Variants in KHDC1 observed in about 807,000 individuals in gnomAD.
KHDC1 encodes KH homology domain-containing protein 1.
KHDC1 carries 21 observed loss-of-function variants against 24.7 expected under a neutral mutation model. That is an observed-to-expected ratio of 0.85 (90% CI 0.60 to 1.23). The LOEUF is 1.23. Ranked by LOEUF, KHDC1 falls within the 50% of genes most tolerant of loss-of-function variation. The pLI is 0.00. For missense variants in KHDC1, 274 were observed against 298.5 expected (o/e 0.92, Z 0.61); for synonymous variants, 98 against 111.7 (o/e 0.88, Z 0.77).
intron 1 of KHDC1, chr6:73,299,594 G>A (rs1301914039): frequency 2.0e-5 from 1 of 49,994 alleles, no homozygotes; most frequent in African/African-American, 8.9e-5. Flanking sequence ...CACTGGCCCT[G>A]TGTGGCCGGC....
At chr6:73,292,036 T>G in exon 2 of KHDC1, 1 of 1,614,076 alleles carries the variant, frequency 6.2e-7, no homozygotes. Context: ...TCCTTGAGTT[T>G]CTCTCTGTAA....
chr6:73,265,748 T>A (rs1259668397), intron 2 of KHDC1, among the ~76,000 whole-genome samples: 1 of 152,064 alleles, frequency 6.6e-6, no homozygotes, highest in Non-Finnish European at 1.5e-5. Context: ...AGAGTACACT[T>A]GGAAAATCAG....
At chr6:73,292,276 G>A (rs1767668742) in intron 1 of KHDC1, 2 of 1,260,952 alleles carry the variant, frequency 1.6e-6, no homozygotes, top group Non-Finnish European at 2.3e-6. Flanking sequence ...GGCAAATGCG[G>A]TCAACCAGGG....
intron 2 of KHDC1, among the ~76,000 whole-genome samples, chr6:73,284,393 T>C (rs1162070180): frequency 6.6e-6 from 1 of 152,200 alleles, no homozygotes. Flanking sequence ...GACTCCTGAC[T>C]CAGCCAGTCC....
rs149535935 is a variant in KHDC1 at position 73,287,087 on chromosome 6, T to C, written c.206+4911A>G. On this transcript the variant is annotated intron_variant, in intron 2 of 4. Coordinates refer to ENST00000370384, the Ensembl canonical transcript of KHDC1. The stretch of plus-strand genomic sequence containing the variant: ...GGAAAAGTGAGTATGCTATAGACTA[T>C]ATACGGCAAATAGTTGGAAAATCCA... 5.4e-3 allele frequency among the ~76,000 whole-genome samples: 819 copies of C among 152,206 alleles called. 7 individuals carry two copies. Among genetic ancestry groups the C allele is most frequent in the Middle Eastern group, 0.017 (5 of 294 alleles).
At chr6:73,250,942 G>A (rs1766768516) in intron 2 of KHDC1, among the ~76,000 whole-genome samples, 1 of 151,992 alleles carries the variant, frequency 6.6e-6, no homozygotes, top group African/African-American at 2.4e-5. Context: ...CGGGTTCAAG[G>A]AATTCTCCTG....
intron 1 of KHDC1, among the ~76,000 whole-genome samples, chr6:73,298,884 G>A (rs1310996996): frequency 6.6e-6 from 1 of 152,132 alleles, no homozygotes; most frequent in African/African-American, 2.4e-5. Flanking sequence ...ATTATATGGA[G>A]GAGCCACAGC....
intron 1 of KHDC1, among the ~76,000 whole-genome samples, chr6:73,295,776 GCAGAGGTTA>G (rs2150743028): frequency 6.6e-6 from 1 of 151,270 alleles, no homozygotes; most frequent in Admixed American, 6.6e-5. Context: ...AACCTGAGAG[GCAGAGGTTA>G]CAGTGAGCTG....
In KHDC1 at chr6:73,250,512, G is replaced by A. The variant is rs564060717; in HGVS notation, c.207-7982C>T. ...AGAGGAAGCCAACACAAGGTGGAAA[G>A]GGAGGCAAACCAAGAAACTGAATTT... On this transcript the variant is annotated intron_variant, in intron 2 of 4. Coordinates refer to ENST00000370384, the Ensembl canonical transcript of KHDC1. Among the ~76,000 whole-genome samples the A allele has an allele frequency of 2.4e-4, 37 of 152,346 alleles. No individual in the cohort carries two copies. In the South Asian group the frequency reaches 7.0e-3, roughly 29 times the overall value.
At chr6:73,287,371 G>C (rs116117279) in intron 2 of KHDC1, among the ~76,000 whole-genome samples, 2,065 of 152,262 alleles carry the variant, frequency 0.014, 43 homozygotes, top group African/African-American at 0.047. Context: ...TTCACAGAGG[G>C]ACCTGACTAC....
At chr6:73,292,864 G>A in intron 1 of KHDC1, 2 of 724,800 alleles carry the variant, frequency 2.8e-6, no homozygotes, top group Non-Finnish European at 5.0e-6. Flanking sequence ...ACTTAGATGG[G>A]GCTAAGAAAA....
At chr6:73,272,675 C>T (rs1215224464) in intron 2 of KHDC1, among the ~76,000 whole-genome samples, 2 of 150,558 alleles carry the variant, frequency 1.3e-5, no homozygotes, top group Admixed American at 1.3e-4. Context: ...ACTCAGGAGG[C>T]TAAGGCAGGA....
intron 2 of KHDC1, among the ~76,000 whole-genome samples, chr6:73,285,769 C>G: frequency 6.6e-6 from 1 of 151,388 alleles, no homozygotes. Flanking sequence ...TGTCATCTAG[C>G]ATTAGGTATA....
chr6:73,249,471 T>G (rs189049066), intron 2 of KHDC1, among the ~76,000 whole-genome samples: 1 of 152,334 alleles, frequency 6.6e-6, no homozygotes, highest in Non-Finnish European at 1.5e-5. Context: ...AGAGATAGTG[T>G]GCAGTGAGTT....
intron 1 of KHDC1, among the ~76,000 whole-genome samples, chr6:73,308,901 G>A (rs1479994370): frequency 6.6e-6 from 1 of 152,040 alleles, no homozygotes; most frequent in African/African-American, 2.4e-5. Context: ...GCGCCATCTC[G>A]GCTCACTCCA....
intron 2 of KHDC1, chr6:73,267,917 A>G (rs555937993): frequency 2.6e-5 from 4 of 152,240 alleles, no homozygotes; most frequent in South Asian, 2.1e-4. Flanking sequence ...GCTCACTGCA[A>G]CATCCGCCTC....
At chr6:73,292,227 A>C in intron 1 of KHDC1, 1 of 1,418,936 alleles carries the variant, frequency 7.0e-7, no homozygotes, top group South Asian at 1.2e-5. Context: ...GCAGAAACAG[A>C]ACTAATTGTG....
chr6:73,277,972 T>G (rs1369486894), intron 2 of KHDC1, among the ~76,000 whole-genome samples: 2 of 151,814 alleles, frequency 1.3e-5, no homozygotes, highest in Non-Finnish European at 1.5e-5. Flanking sequence ...ACATTTGTGT[T>G]TCTTTTGTAG....
exon 4 of KHDC1, chr6:73,242,061 CATG>C: frequency 6.2e-7 from 1 of 1,611,386 alleles, no homozygotes. Flanking sequence ...CTACCTCGAG[CATG>C]ATGATAGGAG....
Sources: allele counts gnomAD v4.1 joint callset (sites outside exome capture counted in the v4.1 genomes callset), GRCh38; gene constraint gnomAD v4.1.1; transcripts MANE v1.5; gene names NCBI Gene and HGNC (gene_info 2026-07-23, HGNC 2026-07-21).